EPHA6: variants seen among roughly 807,000 people sequenced by gnomAD.
EPHA6 encodes ephrin type-A receptor 6.
In EPHA6, 50 loss-of-function variants were observed where a neutral mutation model predicts 112.0. That is an observed-to-expected ratio of 0.45 (90% confidence interval 0.36 to 0.56). The LOEUF is 0.56. EPHA6 is among the 20% of genes least tolerant of loss of function. The pLI, the probability that EPHA6 is intolerant of heterozygous loss-of-function variation, is 0.00. For missense variants in EPHA6, 1,280 were observed against 1,417.4 expected, an observed-to-expected ratio of 0.90 and a Z score of 1.56; for synonymous variants, 529 against 490.7, an observed-to-expected ratio of 1.08 and a Z score of -1.03.
At chr3:97,307,646 G>A (rs2081376086) in intron 5 of EPHA6, among the ~76,000 whole-genome samples, 1 of 149,452 alleles carries the variant, frequency 6.7e-6, no homozygotes, top group Non-Finnish European at 1.5e-5. Context: ...TCTACTCTTA[G>A]AGTCAGATTT....
intron 3 of EPHA6, among the ~76,000 whole-genome samples, chr3:97,173,709 A>G (rs1293915710): frequency 2.0e-5 from 3 of 151,818 alleles, no homozygotes; most frequent in East Asian, 1.9e-4. Context: ...GTATAGATTT[A>G]TAATTATTAA....
At chr3:97,520,869 A>T (rs561280445) in intron 10 of EPHA6, among the ~76,000 whole-genome samples, 1 of 152,184 alleles carries the variant, frequency 6.6e-6, no homozygotes, top group Non-Finnish European at 1.5e-5. Context: ...GGTGTCCCAT[A>T]TGTCACATAG....
intron 14 of EPHA6, among the ~76,000 whole-genome samples, chr3:97,713,659 G>A (rs2034082377): frequency 6.6e-6 from 1 of 152,214 alleles, no homozygotes; most frequent in African/African-American, 2.4e-5. Context: ...ATGCATGCAT[G>A]TCTGTACACA....
intron 15 of EPHA6, among the ~76,000 whole-genome samples, chr3:97,721,719 A>T (rs1234578667): frequency 6.6e-6 from 1 of 152,218 alleles, no homozygotes. Flanking sequence ...ATTTGCCTAC[A>T]GTCTGCTATT....
At chr3:97,688,853 A>T (rs768200852) in intron 14 of EPHA6, among the ~76,000 whole-genome samples, 9 of 152,204 alleles carry the variant, frequency 5.9e-5, no homozygotes, top group Non-Finnish European at 1.2e-4. Flanking sequence ...TAATTATTTC[A>T]TTAAAAAAGT....
At chr3:97,486,284 G>T (rs1038110282) in intron 10 of EPHA6, among the ~76,000 whole-genome samples, 2 of 151,888 alleles carry the variant, frequency 1.3e-5, no homozygotes, top group African/African-American at 4.8e-5. Context: ...ATATGCTAAG[G>T]GTCCTTTTAC....
chr3:97,571,226 C>A (rs529468532), intron 11 of EPHA6, among the ~76,000 whole-genome samples: 8 of 152,010 alleles, frequency 5.3e-5, no homozygotes, highest in African/African-American at 1.9e-4. Flanking sequence ...ACTCAATAAG[C>A]CCTAATCAGG....
At chr3:97,109,008 C>T (rs1169701671) in intron 3 of EPHA6, among the ~76,000 whole-genome samples, 1 of 152,110 alleles carries the variant, frequency 6.6e-6, no homozygotes, top group Non-Finnish European at 1.5e-5. Context: ...TGACAGATGG[C>T]AGGCTACACT....
chr3:97,130,047 C>T (rs994361084), intron 3 of EPHA6, among the ~76,000 whole-genome samples: 5 of 152,016 alleles, frequency 3.3e-5, no homozygotes, highest in African/African-American at 9.7e-5. Context: ...TAAAATGGAA[C>T]TTCAAGGTCT....
intron 5 of EPHA6, among the ~76,000 whole-genome samples, chr3:97,294,560 A>C (rs1338440496): frequency 6.6e-6 from 1 of 151,970 alleles, no homozygotes; most frequent in East Asian, 1.9e-4. Flanking sequence ...TTATTTTGTT[A>C]ATTGCCTTTC....
chr3:97,234,965 G>A (rs942017333), intron 4 of EPHA6, among the ~76,000 whole-genome samples: 2 of 151,932 alleles, frequency 1.3e-5, no homozygotes, highest in Admixed American at 1.3e-4. Context: ...CAAACTCCTG[G>A]ACTTCAAAGA....
Position 97,180,706 on chromosome 3 carries a change from A to G in EPHA6, c.1115-45558A>G, listed in dbSNP as rs1369048857. ...ACTCTGACTGATGCCCTATCCTGCT[A>G]TGGCTGAGCTGGAATCCTAGATACA... On this transcript the variant is annotated intron_variant, in intron 3 of 17. Transcript: ENST00000389672. Among the ~76,000 whole-genome samples, 3 of 152,038 alleles carry G rather than the reference A, an allele frequency of 2.0e-5. No individual in the cohort carries two copies. The East Asian group carries it at 5.8e-4, about 30-fold the overall frequency.
At chr3:97,648,387 T>A (rs375068849) in intron 14 of EPHA6, 1 of 1,330,126 alleles carries the variant, frequency 7.5e-7, no homozygotes, top group South Asian at 1.6e-5. Context: ...TACACCCAAC[T>A]GGAGATAATT....
chr3:97,389,197 G>A (rs989434987), intron 5 of EPHA6, among the ~76,000 whole-genome samples: 10 of 152,130 alleles, frequency 6.6e-5, no homozygotes, highest in African/African-American at 2.4e-4. Flanking sequence ...AAGAATTAAA[G>A]CAAATGATAT....
intron 11 of EPHA6, among the ~76,000 whole-genome samples, chr3:97,565,788 G>A (rs2107189799): frequency 6.6e-6 from 1 of 152,202 alleles, no homozygotes; most frequent in South Asian, 2.1e-4. Flanking sequence ...GGAGGCTGAG[G>A]CAGGTGGATC....
At chr3:96,882,032 A>G (rs1477955282) in intron 2 of EPHA6, among the ~76,000 whole-genome samples, 1 of 152,136 alleles carries the variant, frequency 6.6e-6, no homozygotes, top group Non-Finnish European at 1.5e-5. Flanking sequence ...ATGGGCTGCC[A>G]TTGAGTGTCT....
chr3:97,319,294 A>G (rs141705921), intron 5 of EPHA6, among the ~76,000 whole-genome samples: 466 of 151,758 alleles, frequency 3.1e-3, no homozygotes, highest in Non-Finnish European at 4.0e-3. Context: ...AGTATTTTAG[A>G]CCTTTTCAGC....
At chr3:97,636,587 T>C (rs1576155080) in intron 13 of EPHA6, among the ~76,000 whole-genome samples, 2 of 152,056 alleles carry the variant, frequency 1.3e-5, no homozygotes, top group South Asian at 4.1e-4. Flanking sequence ...GATAAGTTGA[T>C]AGAGCAAGAC....
chr3:97,680,205 A>G (rs2031749078), intron 14 of EPHA6, among the ~76,000 whole-genome samples: 1 of 152,220 alleles, frequency 6.6e-6, no homozygotes, highest in African/African-American at 2.4e-5. Context: ...AATTGGAGCC[A>G]CAGCATGTGT....
Sources: gnomAD v4.1 joint callset for allele counts (sites outside exome capture counted in the v4.1 genomes callset) on GRCh38, gnomAD v4.1.1 for gene constraint, MANE v1.5 for transcripts, NCBI Gene and HGNC (gene_info 2026-07-23, HGNC 2026-07-21) for gene names.